The following ANKRD62 variants were observed in gnomAD, a reference collection of about 807,000 sequenced individuals.
The protein encoded by ANKRD62 is ankyrin repeat domain 62.
In ANKRD62, 61 loss-of-function variants were observed where a neutral mutation model predicts 98.8. The observed-to-expected ratio is 0.62, with a 90% CI of 0.50 to 0.76. The LOEUF (loss-of-function observed/expected upper bound fraction) is 0.76, where lower values mean the gene tolerates loss of function less well. ANKRD62 is among the 30% of genes least tolerant of loss of function. The pLI, the probability that ANKRD62 is intolerant of heterozygous loss-of-function variation, is 0.00. For missense variants in ANKRD62, 933 were observed against 1,082.9 expected (o/e 0.86, Z 1.94); for synonymous variants, 341 against 367.9 (o/e 0.93, Z 0.84).
At chr18:12,118,719 A>G (rs1444050621) in intron 10 of ANKRD62, among the ~76,000 whole-genome samples, 1 of 151,770 alleles carries the variant, frequency 6.6e-6, no homozygotes, top group Non-Finnish European at 1.5e-5. Context: ...GATTTGTCAT[A>G]TCTTTTTAGC....
At chr18:12,170,214 G>T in the ANKRD62 span, among the ~76,000 whole-genome samples, 12 of 152,096 alleles carry the variant, frequency 7.9e-5, no homozygotes, top group Admixed American at 1.3e-4. Context: ...TCTTTTAATT[G>T]TGATGTTAGG....
rs1384082709 is a variant in ANKRD62, at chr18:12,129,031, C to T, written c.*1092C>T. On this transcript the variant is annotated 3_prime_UTR_variant, in exon 14 of 14. Transcript: ENST00000587848. ...GCGGTGAGCCAAGATGGTGCCACTG[C>T]ACTCCAGCCTGGGTGGCTGAGCAAG... The T allele has an allele frequency of 2.0e-5, 3 of 151,896 alleles. No individual in the cohort carries two copies. The highest frequency in any genetic ancestry group is 4.4e-5 in the Non-Finnish European group (3 of 68,008). The allele number at this position is 151,896 out of a possible 1,614,324, so 9.4% of individuals were successfully genotyped here. A position where few individuals can be genotyped will look rare whatever the true frequency, so the allele number is the denominator to read the frequency against.
chr18:12,158,651 G>A, the ANKRD62 span, among the ~76,000 whole-genome samples: 22 of 149,422 alleles, frequency 1.5e-4, no homozygotes, highest in Middle Eastern at 3.6e-3. Flanking sequence ...TCAGCCTCCC[G>A]TAGCTGGGAT....
chr18:12,094,114 C>G lies in ANKRD62; in HGVS notation c.97C>G (p.Arg33Gly), dbSNP rs1413273832. 1.3e-6 allele frequency: 2 copies of G among 1,533,934 alleles called. No individual in the cohort carries two copies. The highest frequency in any genetic ancestry group is 1.4e-5 in the African/African-American group (1 of 72,360). ...DKDGFSNPGY[R>G]VRQKDLGMIH... ...GGATGGCTTCTCAAATCCCGGGTAC[C>G]GAGTCCGGCAGAAGGATCTGGGCAT... Residue 33 changes from arginine (R) to glycine (G), a missense_variant, in exon 1 of 14, where the codon CGA becomes GGA. Around this residue, in one of 3 missense-constraint regions of ANKRD62, gnomAD observed 549 missense variants for 587.9 expected, o/e 0.93. Coordinates refer to ENST00000587848, the MANE Select transcript of ANKRD62 (RefSeq NM_001277333.2).
intron 8 of ANKRD62, among the ~76,000 whole-genome samples, chr18:12,112,089 C>T (rs11873556): frequency 1.3e-3 from 177 of 136,602 alleles, no homozygotes; most frequent in African/African-American, 4.7e-3. Context: ...CAGCCCAGGC[C>T]GACAACAGCA....
At chr18:12,165,445 T>C in the ANKRD62 span, among the ~76,000 whole-genome samples, 1 of 150,928 alleles carries the variant, frequency 6.6e-6, no homozygotes, top group Admixed American at 6.6e-5. Context: ...CAATATGAGG[T>C]TATTATGAGG....
chr18:12,099,667 C>CA lies in ANKRD62; in HGVS notation c.809dup (p.Asn270LysfsTer2). On this transcript the variant is annotated frameshift_variant, in exon 6 of 14. Transcript: ENST00000587848. LOFTEE classifies it high-confidence loss of function. ...AGCAAACAAGAGATGTAAAAGTCTT[C>CA]AAAATAGCAATTCAGGTATGACTTC... is the stretch of plus-strand genomic sequence containing the variant. The CA allele has an allele frequency of 6.8e-7, 1 of 1,479,080 alleles. No individual in the cohort carries two copies. The highest frequency in any genetic ancestry group is 9.0e-7 in the Non-Finnish European group (1 of 1,114,674). The allele number at this position is 1,479,080 out of a possible 1,614,324, so 91.6% of individuals were successfully genotyped here.
At chr18:12,103,067 A>G in intron 6 of ANKRD62, 91 bp from the exon 7 acceptor site, 1 of 934,648 alleles carries the variant, frequency 1.1e-6, no homozygotes, top group Non-Finnish European at 1.4e-6. Flanking sequence ...TAGAAGAAAA[A>G]TATGTTATTT....
chr18:12,095,221 A>C lies in ANKRD62; in HGVS notation c.269A>C (p.Asp90Ala). Residue 90 changes from aspartate to alanine, a missense_variant, in exon 2 of 14, where the codon GAC becomes GCC. This residue lies in a region of ANKRD62 where 549 missense variants were observed against 587.9 expected (regional missense o/e 0.93). Transcript: ENST00000587848. The part of the protein sequence containing the change: ...CAHGRPGVVA[D>A]LVARKCQLNL... ...CATGGCCGTCCAGGAGTGGTAGCTG[A>C]CCTGGTGGCCAGAAAATGCCAGCTT... The C allele has an allele frequency of 1.3e-6, 2 of 1,537,646 alleles. No individual in the cohort carries two copies. The highest frequency in any genetic ancestry group is 2.4e-5 in the South Asian group (2 of 84,056).
intron 10 of ANKRD62, among the ~76,000 whole-genome samples, 192 bp downstream of exon 10, chr18:12,115,726 T>G (rs1338055072): frequency 1.3e-5 from 2 of 152,180 alleles, no homozygotes; most frequent in Non-Finnish European, 2.9e-5. Flanking sequence ...ATCATTCCAC[T>G]GTACCTTTCT....
At chr18:12,109,811 C>T (rs961721395) in intron 8 of ANKRD62, among the ~76,000 whole-genome samples, 5 of 152,080 alleles carry the variant, frequency 3.3e-5, no homozygotes, top group Non-Finnish European at 7.4e-5. Flanking sequence ...ACCAGAGGGT[C>T]TGTGTTGTTG....
the ANKRD62 span, among the ~76,000 whole-genome samples, chr18:12,172,614 G>A: frequency 4.6e-5 from 7 of 151,618 alleles, no homozygotes; most frequent in South Asian, 4.2e-4. Context: ...TCTCAGATCC[G>A]TGCTGGGAGA....
chr18:12,141,214 T>C, the ANKRD62 span, among the ~76,000 whole-genome samples: 10 of 152,322 alleles, frequency 6.6e-5, no homozygotes, highest in African/African-American at 2.4e-4. Context: ...AGCGCAGTAT[T>C]AGGGTGGGAG....
At chr18:12,110,455 G>A (rs1023158380) in intron 8 of ANKRD62, among the ~76,000 whole-genome samples, 1 of 152,094 alleles carries the variant, frequency 6.6e-6, no homozygotes, top group African/African-American at 2.4e-5. Flanking sequence ...TGCCATATGT[G>A]TATAATTTTT....
rs183423174 is a variant in ANKRD62 at position 12,115,645 on chromosome 18, C to G, written c.1240+111C>G. On this transcript the variant is annotated intron_variant, in intron 10 of 13. Coordinates refer to ENST00000587848, the MANE Select transcript of ANKRD62 (RefSeq NM_001277333.2). ...TGATGTGTTATAGGGATGTTCATCT[C>G]GGAAATATCCTTCTTGTGAACATAG... The G allele has an allele frequency of 4.4e-6, 4 of 916,828 alleles. No homozygotes were observed. In the East Asian group the frequency reaches 1.1e-4, roughly 26 times the overall value. 56.8% of individuals were successfully genotyped at this position (916,828 alleles called of 1,614,324 possible). A position where few individuals can be genotyped will look rare whatever the true frequency, so the allele number is the denominator to read the frequency against.
At chr18:12,140,972 C>G in the ANKRD62 span, among the ~76,000 whole-genome samples, 1 of 152,346 alleles carries the variant, frequency 6.6e-6, no homozygotes, top group African/African-American at 2.4e-5. Flanking sequence ...CAGAGGCAGG[C>G]AGGCCTCCTT....
chr18:12,175,133 G>A, the ANKRD62 span, among the ~76,000 whole-genome samples: 1 of 152,234 alleles, frequency 6.6e-6, no homozygotes, highest in Non-Finnish European at 1.5e-5. Flanking sequence ...TGGCGACTGT[G>A]TATGTGGTTG....
downstream of ANKRD62, among the ~76,000 whole-genome samples, chr18:12,131,720 A>T (rs757256850): frequency 1.4e-5 from 2 of 143,170 alleles, no homozygotes; most frequent in African/African-American, 5.4e-5. Context: ...AGAGAGAGAG[A>T]GTGTGTGTAT....
chr18:12,104,959 A>G (rs1909381886), intron 7 of ANKRD62, among the ~76,000 whole-genome samples: 1 of 152,242 alleles, frequency 6.6e-6, no homozygotes, highest in South Asian at 2.1e-4. Context: ...GGAGAATTTT[A>G]TAATGACACA....
Sources: gnomAD v4.1 joint callset for allele counts (sites outside exome capture counted in the v4.1 genomes callset) on GRCh38, gnomAD v4.1.1 for gene constraint, gnomAD v4.1.1 regional missense constraint, MANE v1.5 for transcripts, NCBI Gene and HGNC (gene_info 2026-07-23, HGNC 2026-07-21) for gene names.